The following ARHGAP40 variants were observed in gnomAD, a reference collection of about 807,000 sequenced individuals.
The protein encoded by ARHGAP40 is Rho GTPase activating protein 40, also known as rho GTPase-activating protein 40.
Under a neutral mutation model 73.5 loss-of-function variants are expected in ARHGAP40, and 43 were observed. The observed-to-expected ratio is 0.58, with a 90% confidence interval of 0.46 to 0.75. ARHGAP40 has a LOEUF of 0.75. ARHGAP40 is among the 30% of genes least tolerant of loss of function. The pLI is 0.00. For missense variants in ARHGAP40, 734 were observed against 861.8 expected (o/e 0.85, Z 1.86); for synonymous variants, 300 against 352.8 (o/e 0.85, Z 1.68).
chr20:38,611,438 A>G (rs1395754687), intron 1 of ARHGAP40, among the ~76,000 whole-genome samples: 1 of 145,248 alleles, frequency 6.9e-6, no homozygotes, highest in Admixed American at 6.8e-5. Context: ...TTTTTTTAGA[A>G]ACAGGGTCTC....
At chr20:38,623,812 A>G (rs2145601960) in intron 2 of ARHGAP40, among the ~76,000 whole-genome samples, 1 of 152,300 alleles carries the variant, frequency 6.6e-6, no homozygotes, top group South Asian at 2.1e-4. Context: ...CCTTCAGGAA[A>G]TATTTTTTGA....
rs980614580 is a variant in ARHGAP40, at chr20:38,626,318, A to G, written c.338-677A>G. On this transcript the variant is annotated intron_variant, in intron 2 of 14. Transcript: ENST00000373345. Reference sequence around the variant, plus strand: ...AGAGCTCTTGTCCATTTCCCCCATGATAAGGCCAGTGTTTCTCAAGTGTGG... The same window carrying G: ...AGAGCTCTTGTCCATTTCCCCCATGGTAAGGCCAGTGTTTCTCAAGTGTGG... Among the ~76,000 whole-genome samples the G allele has an allele frequency of 3.3e-5, 5 of 152,288 alleles. No individual in the cohort carries two copies. In the South Asian group the frequency reaches 1.0e-3, roughly 32 times the overall value.
chr20:38,601,864 C>T, exon 1 of ARHGAP40: 1 of 1,279,204 alleles, frequency 7.8e-7, no homozygotes, highest in Non-Finnish European at 1.0e-6. Context: ...CTACCTCACT[C>T]CTCCCTCTCA....
chr20:38,631,991 TC>T, intron 5 of ARHGAP40, among the ~76,000 whole-genome samples: 1 of 152,198 alleles, frequency 6.6e-6, no homozygotes, highest in Admixed American at 6.5e-5. Context: ...TTTGAAACAG[TC>T]TCACTCTGTT....
At chr20:38,635,552 A>G (rs763161411) in intron 6 of ARHGAP40, among the ~76,000 whole-genome samples, 12 of 152,046 alleles carry the variant, frequency 7.9e-5, no homozygotes, top group Non-Finnish European at 1.5e-4. Flanking sequence ...AGTCCCACCT[A>G]CCTGGGAGGC....
At chr20:38,648,654 T>C (rs560402138) in exon 14 of ARHGAP40, 22 of 1,305,556 alleles carry the variant, frequency 1.7e-5, no homozygotes, top group African/African-American at 1.4e-4. Context: ...CATAGGTCCA[T>C]GGAGTCAGCC....
chr20:38,614,867 C>A, intron 1 of ARHGAP40: 1 of 1,127,794 alleles, frequency 8.9e-7, no homozygotes, highest in Admixed American at 1.7e-5. Flanking sequence ...CTCATCACGT[C>A]CTGAGCGTCA....
At chr20:38,603,455 A>ATCTGTCTG (rs1555889760) in intron 1 of ARHGAP40, among the ~76,000 whole-genome samples, 70 of 126,892 alleles carry the variant, frequency 5.5e-4, no homozygotes, top group African/African-American at 1.6e-3. Context: ...CTATCTATCT[A>ATCTGTCTG]TCTATCTATT....
At chr20:38,647,024 C>T (rs777297790) in exon 13 of ARHGAP40, 11 of 1,305,508 alleles carry the variant, frequency 8.4e-6, no homozygotes, top group Non-Finnish European at 1.0e-5. Context: ...CCTCTCACCC[C>T]CAGCACCAAA....
At chr20:38,649,782 C>T (rs368497300) in exon 15 of ARHGAP40, 2 of 1,305,108 alleles carry the variant, frequency 1.5e-6, no homozygotes, top group African/African-American at 3.0e-5. Context: ...ACCCAGATGC[C>T]TACCTCTTAG....
At chr20:38,629,464 T>C in intron 4 of ARHGAP40, 38 bp from the exon 5 acceptor site, 3 of 1,304,344 alleles carry the variant, frequency 2.3e-6, no homozygotes, top group Non-Finnish European at 3.0e-6. Context: ...CAGCCAGTTC[T>C]CACTGCCTTT....
intron 1 of ARHGAP40, among the ~76,000 whole-genome samples, chr20:38,614,467 T>C (rs982902814): frequency 1.3e-4 from 20 of 151,942 alleles, no homozygotes; most frequent in Admixed American, 6.6e-5. Flanking sequence ...CTGTGACCCA[T>C]CTCTATAGGA....
chr20:38,604,874 T>C (rs566037102), intron 1 of ARHGAP40, among the ~76,000 whole-genome samples: 4 of 152,090 alleles, frequency 2.6e-5, no homozygotes, highest in Admixed American at 6.5e-5. Flanking sequence ...ATTAAACTTA[T>C]AAAATCAGCT....
intron 9 of ARHGAP40, among the ~76,000 whole-genome samples, chr20:38,640,714 C>A (rs1204308357): frequency 1.3e-5 from 2 of 152,064 alleles, no homozygotes; most frequent in African/African-American, 4.8e-5. Flanking sequence ...CTTTGCTGTT[C>A]CCCCTCCTCT....
intron 1 of ARHGAP40, among the ~76,000 whole-genome samples, chr20:38,614,064 G>T (rs2088819160): frequency 6.6e-6 from 1 of 152,128 alleles, no homozygotes; most frequent in African/African-American, 2.4e-5. Flanking sequence ...GTTGCCACAG[G>T]GGTTGCTTCG....
intron 1 of ARHGAP40, among the ~76,000 whole-genome samples, chr20:38,605,320 C>T (rs2088765079): frequency 6.6e-6 from 1 of 152,200 alleles, no homozygotes; most frequent in South Asian, 2.1e-4. Flanking sequence ...AAGATGTCCA[C>T]AGGCTGGTCC....
exon 2 of ARHGAP40, chr20:38,623,367 C>T (rs762995440): frequency 1.6e-6 from 2 of 1,289,594 alleles, no homozygotes; most frequent in Non-Finnish European, 2.0e-6. Flanking sequence ...AGCTCTGGCC[C>T]CTCCTCAGGC....
chr20:38,639,496 T>G, intron 9 of ARHGAP40, 110 bp downstream of exon 9: 4 of 1,184,048 alleles, frequency 3.4e-6, no homozygotes, highest in South Asian at 1.4e-5. Context: ...TGGAAATGTC[T>G]GTTCCAGAAA....
rs115554363 is a variant in ARHGAP40 at position 38,643,747 on chromosome 20, A to T, written c.1406A>T (p.His469Leu). 1.8e-3 allele frequency: 2,337 copies of T among 1,305,846 alleles called. 26 individuals are homozygous for T. In the African/African-American group the frequency reaches 0.026, roughly 14 times the overall value. 80.9% of individuals were successfully genotyped at this position (1,305,846 alleles called of 1,614,324 possible). ...AGGAAGGTGGTGGCCCGGGAACAGC[A>T]CAACAAGATGACTCTGAGGAATGTT... Residue 469 changes from histidine to leucine, a missense_variant, in exon 11 of 15, where the codon CAC (histidine) becomes CTC (leucine). Physicochemically the swap from His to Leu is moderately conservative, Grantham distance 99 (BLOSUM62 -3). Coordinates refer to ENST00000373345, the Ensembl canonical transcript of ARHGAP40.
Sources: gnomAD v4.1 joint callset for allele counts (sites outside exome capture counted in the v4.1 genomes callset) on GRCh38, gnomAD v4.1.1 for gene constraint, MANE v1.5 for transcripts, NCBI Gene and HGNC (gene_info 2026-07-23, HGNC 2026-07-21) for gene names.